The following CMIP variants were observed in gnomAD, a reference collection of about 807,000 sequenced individuals.
CMIP encodes c-Maf inducing protein, also known as C-Maf-inducing protein.
In CMIP, 13 loss-of-function variants were observed where a neutral mutation model predicts 97.3. The ratio of observed to expected loss-of-function variants is 0.13; its 90% CI spans 0.09 to 0.21. CMIP has a LOEUF of 0.21. CMIP is among the 10% of genes least tolerant of loss of function. The pLI is 1.00. For synonymous variants in CMIP, 538 were observed against 436.3 expected (o/e 1.23, Z -2.91); for missense variants, 847 against 1,024.9 (o/e 0.83, Z 2.37).
At chr16:81,674,619 G>A (rs1334061143) in intron 9 of CMIP, among the ~76,000 whole-genome samples, 1 of 151,528 alleles carries the variant, frequency 6.6e-6, no homozygotes, top group Non-Finnish European at 1.5e-5. Context: ...CAGCTTAGCT[G>A]TTGTCGCCCA....
chr16:81,504,406 G>C (rs1469741172), intron 1 of CMIP, among the ~76,000 whole-genome samples: 3 of 151,968 alleles, frequency 2.0e-5, no homozygotes, highest in African/African-American at 7.3e-5. Context: ...ACTTTGGGAG[G>C]CCAAGGCAGG....
In CMIP at chr16:81,517,755, A is replaced by G. The variant is rs898643393; in HGVS notation, c.300+72214A>G. ...GTGGGAAACATTTTTTCCTGAAGAA[A>G]TGTGGAGCAGAGGCGATTCTCTGGG... On this transcript the variant is annotated intron_variant, in intron 1 of 20. Coordinates refer to ENST00000537098, the MANE Select transcript of CMIP (RefSeq NM_198390.3). 1.9e-5 allele frequency: 3 copies of G among 156,628 alleles called. No homozygotes were observed. The Admixed American group carries it at 2.0e-4, about 10-fold the overall frequency. The allele number at this position is 156,628 out of a possible 1,614,324, so 9.7% of individuals were successfully genotyped here. A position where few individuals can be genotyped will look rare whatever the true frequency, so the allele number is the denominator to read the frequency against.
intron 1 of CMIP, among the ~76,000 whole-genome samples, chr16:81,584,241 A>G (rs1275150910): frequency 6.6e-6 from 1 of 152,146 alleles, no homozygotes; most frequent in Non-Finnish European, 1.5e-5. Flanking sequence ...CCCTACTAGA[A>G]GGAAAACTCC....
chr16:81,492,528 G>A (rs1051814781), intron 1 of CMIP, among the ~76,000 whole-genome samples: 5 of 152,192 alleles, frequency 3.3e-5, no homozygotes, highest in Admixed American at 1.3e-4. Flanking sequence ...GGTTTCAGTG[G>A]CATCGCGGTG....
chr16:81,639,475 G>T (rs2092278042), intron 3 of CMIP, among the ~76,000 whole-genome samples: 1 of 152,158 alleles, frequency 6.6e-6, no homozygotes, highest in Non-Finnish European at 1.5e-5. Context: ...GTCTACTCTA[G>T]GGACCTCATA....
chr16:81,569,062 C>T (rs1034170351), intron 1 of CMIP, among the ~76,000 whole-genome samples: 1 of 152,178 alleles, frequency 6.6e-6, no homozygotes, highest in East Asian at 1.9e-4. Flanking sequence ...TAAATAAGAT[C>T]GTACATTTTA....
intron 1 of CMIP, among the ~76,000 whole-genome samples, chr16:81,549,894 G>C (rs2090619629): frequency 6.6e-6 from 1 of 152,230 alleles, no homozygotes; most frequent in Admixed American, 6.5e-5. Context: ...GTATTTGAAT[G>C]TGTGTGTGCA....
rs984072360 is a variant in CMIP, at chr16:81,554,717, G to A, written c.301-52850G>A. ...TCTCTGGCTGTGTGACCCTGGGCAG[G>A]CAACTTTATTCTTCTCTGGGCCTCA... On this transcript the variant is annotated intron_variant, in intron 1 of 20. Coordinates refer to ENST00000537098, the MANE Select transcript of CMIP (RefSeq NM_198390.3). 9.2e-5 allele frequency among the ~76,000 whole-genome samples: 14 copies of A among 152,150 alleles called. 1 individual carries two copies. The highest frequency in any genetic ancestry group is 7.2e-5 in the African/African-American group (3 of 41,428).
chr16:81,609,506 G>A lies in CMIP; in HGVS notation c.426+1814G>A, dbSNP rs76612821. Among the ~76,000 whole-genome samples, 43 of 152,344 alleles carry A rather than the reference G, an allele frequency of 2.8e-4. No individual in the cohort carries two copies. The East Asian group carries it at 7.3e-3, about 26-fold the overall frequency. ...TTGAGGCAGCCTCTCCCCTGTGCTCGGGGAGGCCCCATGCGTGAAGAGCCC... is the reference window on the plus strand; with the variant it reads ...TTGAGGCAGCCTCTCCCCTGTGCTCAGGGAGGCCCCATGCGTGAAGAGCCC... On this transcript the variant is annotated intron_variant, in intron 2 of 20. Coordinates refer to ENST00000537098, the MANE Select transcript of CMIP (RefSeq NM_198390.3).
intron 20 of CMIP, 88 bp from the exon 21 acceptor site, chr16:81,709,658 C>A: frequency 6.8e-7 from 1 of 1,477,156 alleles, no homozygotes; most frequent in Admixed American, 1.8e-5. Flanking sequence ...CAGAGACCCC[C>A]AGCCGGCAAT....
At chr16:81,520,569 G>GGGGGGAGAGAGAGAGAGAGAGAGAGA (rs370420453) in intron 1 of CMIP, 1 of 107,004 alleles carries the variant, frequency 9.3e-6, no homozygotes, top group African/African-American at 4.4e-5. Context: ...GGAGGAAGGG[G>GGGGGGAGAGAGAGAGAGAGAGAGAGA]GAGAGAGAGA....
At chr16:81,705,439 C>CCT (rs1308201163) in intron 18 of CMIP, 60 bp from the exon 19 acceptor site, 13 of 1,240,400 alleles carry the variant, frequency 1.0e-5, no homozygotes. Context: ...TCTGCCCCAG[C>CCT]CTCAGAGTCA....
At chr16:81,684,691 G>T (rs1450563779) in intron 10 of CMIP, among the ~76,000 whole-genome samples, 1 of 152,232 alleles carries the variant, frequency 6.6e-6, no homozygotes, top group Non-Finnish European at 1.5e-5. Flanking sequence ...GGGTTCTAAG[G>T]CCCTCTTCAT....
intron 10 of CMIP, among the ~76,000 whole-genome samples, chr16:81,686,584 C>T (rs1276177864): frequency 6.6e-6 from 1 of 152,174 alleles, no homozygotes; most frequent in Admixed American, 6.5e-5. Context: ...TTATCTCAGG[C>T]AACAGGCTTT....
intron 1 of CMIP, among the ~76,000 whole-genome samples, chr16:81,598,242 G>A (rs1007142542): frequency 1.3e-5 from 2 of 151,452 alleles, no homozygotes; most frequent in Non-Finnish European, 2.9e-5. Context: ...ACCAACGGGG[G>A]TATCGTCTAC....
At chr16:81,650,116 C>T (rs1246637236) in intron 3 of CMIP, among the ~76,000 whole-genome samples, 2 of 152,216 alleles carry the variant, frequency 1.3e-5, no homozygotes. Flanking sequence ...GTCACTGTCA[C>T]CATCGTCAAC....
At chr16:81,484,169 A>G (rs1480352570) in intron 1 of CMIP, among the ~76,000 whole-genome samples, 5 of 151,870 alleles carry the variant, frequency 3.3e-5, no homozygotes, top group Admixed American at 1.3e-4. Flanking sequence ...AGGTCAGCTC[A>G]GGGGCCCACC....
chr16:81,600,802 C>G (rs1205815534), intron 1 of CMIP, among the ~76,000 whole-genome samples: 2 of 152,216 alleles, frequency 1.3e-5, no homozygotes, highest in Non-Finnish European at 2.9e-5. Flanking sequence ...GAAGCCCATT[C>G]TCCCAGCGCA....
At chr16:81,492,068 G>A (rs1332235839) in intron 1 of CMIP, among the ~76,000 whole-genome samples, 1 of 152,210 alleles carries the variant, frequency 6.6e-6, no homozygotes, top group Non-Finnish European at 1.5e-5. Context: ...CTGCGTGCCT[G>A]TAGCGTTTTT....
Sources: gnomAD v4.1 joint callset for allele counts (sites outside exome capture counted in the v4.1 genomes callset) on GRCh38, gnomAD v4.1.1 for gene constraint, MANE v1.5 for transcripts, NCBI Gene and HGNC (gene_info 2026-07-23, HGNC 2026-07-21) for gene names.